Variants in FREM1 observed in about 807,000 individuals in gnomAD.
FREM1 encodes the protein FRAS1-related extracellular matrix protein 1.
A neutral mutation model predicts 210.1 loss-of-function variants in FREM1; 220 were observed. That is an observed-to-expected ratio of 1.05 (90% confidence interval 0.94 to 1.17). FREM1 has a LOEUF of 1.17. Ranked by LOEUF, FREM1 falls within the 50% of genes most tolerant of loss-of-function variation. The pLI, the probability that FREM1 is intolerant of heterozygous loss-of-function variation, is 0.00. For missense variants in FREM1, 3,454 were observed against 2,675.5 expected (o/e 1.29, Z -6.42); for synonymous variants, 1,189 against 980.2 (o/e 1.21, Z -3.98).
At chr9:14,881,614 C>T (rs1264801222) in intron 1 of FREM1, among the ~76,000 whole-genome samples, 4 of 152,186 alleles carry the variant, frequency 2.6e-5, no homozygotes, top group South Asian at 2.1e-4. Context: ...ATGTTTCCTT[C>T]GTTTCACTTA....
At chr9:14,871,502 G>C (rs899097084) in intron 1 of FREM1, among the ~76,000 whole-genome samples, 2 of 151,992 alleles carry the variant, frequency 1.3e-5, no homozygotes, top group African/African-American at 4.8e-5. Context: ...TGATGGGGTT[G>C]TTTGTTTTTT....
At chr9:14,742,712 T>C (rs753817638) in intron 35 of FREM1, among the ~76,000 whole-genome samples, 3 of 152,104 alleles carry the variant, frequency 2.0e-5, no homozygotes, top group Non-Finnish European at 4.4e-5. Flanking sequence ...TTGATTCAAA[T>C]CCAGAGGAAA....
intron 7 of FREM1, among the ~76,000 whole-genome samples, chr9:14,848,361 A>G (rs1042955398): frequency 1.3e-5 from 2 of 152,212 alleles, no homozygotes; most frequent in African/African-American, 4.8e-5. Flanking sequence ...CAGTCCCACT[A>G]CAGCTCAATA....
chr9:14,788,236 G>C (rs1028557246), intron 23 of FREM1, among the ~76,000 whole-genome samples: 2 of 151,990 alleles, frequency 1.3e-5, no homozygotes, highest in African/African-American at 4.8e-5. Context: ...AAAATTACAG[G>C]GTAGTAACAG....
At chr9:14,900,580 G>C (rs1402977637) in intron 1 of FREM1, among the ~76,000 whole-genome samples, 1 of 152,092 alleles carries the variant, frequency 6.6e-6, no homozygotes, top group Non-Finnish European at 1.5e-5. Flanking sequence ...TGGTTGGTTG[G>C]GGGAGGGCTG....
rs1817299231 is a variant in FREM1, at chr9:14,801,601, T to A, written c.3694+51A>T. On this transcript the variant is annotated intron_variant, in intron 20 of 36. Coordinates refer to ENST00000380880, the MANE Select transcript of FREM1 (RefSeq NM_001379081.2). Reference sequence around the variant, plus strand: ...TTAGATTTCACATATAAGTATGGGTTAAATTATTCAATCAACAATAACAAA... The same window carrying A: ...TTAGATTTCACATATAAGTATGGGTAAAATTATTCAATCAACAATAACAAA... 7.8e-6 allele frequency: 10 copies of A among 1,278,104 alleles called. No individual in the cohort carries two copies. In the East Asian group the frequency reaches 2.3e-4, roughly 30 times the overall value. The allele number at this position is 1,278,104 out of a possible 1,614,324, so 79.2% of individuals were successfully genotyped here. A position where few individuals can be genotyped will look rare whatever the true frequency, so the allele number is the denominator to read the frequency against.
intron 4 of FREM1, 47 bp from the exon 5 acceptor site, chr9:14,857,796 T>C (rs1336546502): frequency 3.5e-6 from 5 of 1,429,674 alleles, no homozygotes; most frequent in Non-Finnish European, 4.7e-6. Flanking sequence ...AACATAACAA[T>C]TGTAAAATTT....
chr9:14,853,219 A>G (rs1828089782), intron 5 of FREM1, among the ~76,000 whole-genome samples: 1 of 152,158 alleles, frequency 6.6e-6, no homozygotes, highest in Non-Finnish European at 1.5e-5. Context: ...AAAAAAAATG[A>G]TGGCTGTGCC....
At chr9:14,901,185 AG>A (rs1838722731) in intron 1 of FREM1, among the ~76,000 whole-genome samples, 1 of 152,232 alleles carries the variant, frequency 6.6e-6, no homozygotes, top group Middle Eastern at 3.2e-3. Context: ...AGTATGTAAT[AG>A]ATCTCTCTAA....
chr9:14,878,665 C>T (rs1355073520), intron 1 of FREM1, among the ~76,000 whole-genome samples: 1 of 152,164 alleles, frequency 6.6e-6, no homozygotes, highest in East Asian at 1.9e-4. Flanking sequence ...TAATATTAGT[C>T]ACTGCCATGT....
Position 14,740,168 on chromosome 9 carries a change from C to T in FREM1, c.6321G>A (p.Gly2107=). The T allele has an allele frequency of 6.2e-7, 1 of 1,612,494 alleles. No individual in the cohort carries two copies. The highest frequency in any genetic ancestry group is 1.1e-5 in the South Asian group (1 of 90,856). The part of the protein sequence containing the change: ...QHMRWLWDIG[G]RKSFWIGLND... ...ACTTGCCTATCCAAAAGGACTTTCT[C>T]CCACCAATGTCCCAGAGCCACCGCA... The change falls in exon 36 of 37, where the codon GGG becomes GGA. Residue 2107 remains glycine (G), a synonymous_variant. Coordinates refer to ENST00000380880, the MANE Select transcript of FREM1 (RefSeq NM_001379081.2).
chr9:14,797,428 C>CA, intron 21 of FREM1, 70 bp downstream of exon 21: 1 of 1,313,998 alleles, frequency 7.6e-7, no homozygotes, highest in Non-Finnish European at 1.0e-6. Context: ...ACACACACAC[C>CA]TGTACCTAGT....
At chr9:14,803,834 G>C (rs942838706) in intron 19 of FREM1, among the ~76,000 whole-genome samples, 4 of 152,170 alleles carry the variant, frequency 2.6e-5, no homozygotes, top group African/African-American at 9.7e-5. Context: ...AAATATTAAA[G>C]TGGCATCATA....
At chr9:14,840,524 C>A (rs1825493277) in intron 10 of FREM1, among the ~76,000 whole-genome samples, 1 of 152,160 alleles carries the variant, frequency 6.6e-6, no homozygotes, top group Non-Finnish European at 1.5e-5. Flanking sequence ...AGGGGACCAC[C>A]CGTTTTTAAA....
chr9:14,842,236 GC>G (rs1825817125), intron 9 of FREM1, 79 bp downstream of exon 9: 3 of 882,944 alleles, frequency 3.4e-6, no homozygotes, highest in African/African-American at 1.7e-5. Context: ...CACAATTTCA[GC>G]AAACCCAGAA....
At chr9:14,865,754 G>C (rs1190652982) in intron 2 of FREM1, among the ~76,000 whole-genome samples, 1 of 151,642 alleles carries the variant, frequency 6.6e-6, no homozygotes, top group Non-Finnish European at 1.5e-5. Context: ...CGAACCCCTA[G>C]GGAAGGACTG....
At chr9:14,738,378 C>A (rs982455646) in intron 36 of FREM1, among the ~76,000 whole-genome samples, 4 of 146,278 alleles carry the variant, frequency 2.7e-5, no homozygotes, top group South Asian at 2.2e-4. Context: ...CCTTCCCCAA[C>A]TGTTTTTCAG....
chr9:14,807,055 A>AT (rs1818501361), intron 17 of FREM1, among the ~76,000 whole-genome samples: 1 of 152,170 alleles, frequency 6.6e-6, no homozygotes. Flanking sequence ...GACCTATGGA[A>AT]TTATATTTTT....
chr9:14,880,243 G>A (rs1834545795), intron 1 of FREM1, among the ~76,000 whole-genome samples: 1 of 152,074 alleles, frequency 6.6e-6, no homozygotes, highest in South Asian at 2.1e-4. Flanking sequence ...TTCTGTTATA[G>A]CAGCCTGAGC....
Sources: gnomAD v4.1 joint callset for allele counts (sites outside exome capture counted in the v4.1 genomes callset) on GRCh38, gnomAD v4.1.1 for gene constraint, MANE v1.5 for transcripts, NCBI Gene and HGNC (gene_info 2026-07-23, HGNC 2026-07-21) for gene names.